Variants in KCNQ5 observed in about 807,000 individuals in gnomAD.
KCNQ5 encodes potassium voltage-gated channel subfamily Q member 5.
In KCNQ5, 30 loss-of-function variants were observed where a neutral mutation model predicts 98.2. The observed-to-expected ratio is 0.31, with a 90% confidence interval of 0.23 to 0.41. The LOEUF is 0.41. Ranked by LOEUF, KCNQ5 falls within the 10% of genes least tolerant of loss-of-function variation. The pLI is 1.00. For missense variants in KCNQ5, 835 were observed against 1,182.5 expected, an observed-to-expected ratio of 0.71 and a Z score of 4.31; for synonymous variants, 458 against 449.4, an observed-to-expected ratio of 1.02 and a Z score of -0.24.
chr6:72,878,829 C>A (rs1778524226), intron 1 of KCNQ5, among the ~76,000 whole-genome samples: 1 of 152,070 alleles, frequency 6.6e-6, no homozygotes, highest in Non-Finnish European at 1.5e-5. Context: ...TTTCACCATT[C>A]TGAATATGCC....
intron 1 of KCNQ5, among the ~76,000 whole-genome samples, chr6:72,763,270 G>A (rs2154477116): frequency 6.6e-6 from 1 of 152,004 alleles, no homozygotes; most frequent in East Asian, 1.9e-4. Context: ...AGGCTTAATA[G>A]CCCCACAGGC....
intron 11 of KCNQ5, among the ~76,000 whole-genome samples, chr6:73,178,820 T>TA (rs1156538023): frequency 6.6e-6 from 1 of 152,236 alleles, no homozygotes; most frequent in Non-Finnish European, 1.5e-5. Flanking sequence ...TTAAATACTG[T>TA]AAACACAAAT....
chr6:73,099,626 A>G (rs1037985479), intron 5 of KCNQ5, among the ~76,000 whole-genome samples: 2 of 152,194 alleles, frequency 1.3e-5, no homozygotes, highest in African/African-American at 4.8e-5. Flanking sequence ...CAGCAAGAGG[A>G]TATAACAACT....
At chr6:72,791,272 C>T (rs1055739485) in intron 1 of KCNQ5, among the ~76,000 whole-genome samples, 2 of 152,190 alleles carry the variant, frequency 1.3e-5, no homozygotes, top group East Asian at 3.9e-4. Context: ...CATGTACTCA[C>T]ACATGCATAT....
intron 10 of KCNQ5, among the ~76,000 whole-genome samples, chr6:73,163,672 C>CG (rs1367374732): frequency 3.3e-5 from 5 of 152,226 alleles, no homozygotes; most frequent in Admixed American, 1.3e-4. Context: ...CGCTTGAACC[C>CG]GGGGGGCGGA....
chr6:73,133,496 A>G lies in KCNQ5; in HGVS notation c.1323A>G (p.Ser441=). The change falls in exon 10 of 14, where the codon TCA becomes TCG. Residue 441 remains serine (S), a synonymous_variant. Coordinates refer to ENST00000370398, the MANE Select transcript of KCNQ5 (RefSeq NM_019842.4). ...AGAGTATTAAGAGCCGACAAGCCTC[A>G]GTAGGTGACAGGAGGTCCCCAAGCA... ...RGQSIKSRQA[S]VGDRRSPSTD... is the part of the protein sequence containing the mutation. 1 of 1,614,178 alleles carries G rather than the reference A, an allele frequency of 6.2e-7. No homozygotes were observed. Among genetic ancestry groups the G allele is most frequent in the Non-Finnish European group, 8.5e-7 (1 of 1,180,020 alleles).
At chr6:72,796,182 A>T (rs965688854) in intron 1 of KCNQ5, among the ~76,000 whole-genome samples, 8 of 152,196 alleles carry the variant, frequency 5.3e-5, no homozygotes, top group African/African-American at 1.9e-4. Context: ...ATTATTAAAT[A>T]TAATTTATGG....
intron 1 of KCNQ5, among the ~76,000 whole-genome samples, chr6:72,750,409 T>G (rs921695339): frequency 6.6e-6 from 1 of 152,112 alleles, no homozygotes; most frequent in African/African-American, 2.4e-5. Flanking sequence ...GCAGGACTAC[T>G]TAAAGTTTAC....
chr6:73,121,041 C>G (rs534396731), intron 8 of KCNQ5, among the ~76,000 whole-genome samples: 82 of 152,262 alleles, frequency 5.4e-4, no homozygotes, highest in Non-Finnish European at 7.8e-4. Context: ...CAAGCTTTTA[C>G]TTGCAGATCA....
In KCNQ5 at chr6:72,622,636, C is replaced by T. The variant is rs964772213; in HGVS notation, c.398+49C>T. The T allele has an allele frequency of 1.9e-6, 3 of 1,600,664 alleles. No homozygotes were observed. In the Admixed American group the frequency reaches 5.1e-5, roughly 27 times the overall value. On this transcript the variant is annotated intron_variant, in intron 1 of 13. Coordinates refer to ENST00000370398, the MANE Select transcript of KCNQ5 (RefSeq NM_019842.4). The surrounding 1 kb of genome is among the most constrained non-coding windows in gnomAD (Gnocchi z 6.0). ...TGCCCGCTGCAGGGGACCACTGTCC[C>T]TGGCCCCCTGGGGCGTGCTCCGCGC...
chr6:73,122,810 T>C (rs1017714179), intron 8 of KCNQ5, among the ~76,000 whole-genome samples: 1 of 152,216 alleles, frequency 6.6e-6, no homozygotes, highest in African/African-American at 2.4e-5. Context: ...TTTAATGTAT[T>C]CACAGAGTCC....
chr6:72,853,647 C>A (rs902477481), intron 1 of KCNQ5, among the ~76,000 whole-genome samples: 2 of 152,182 alleles, frequency 1.3e-5, no homozygotes, highest in Non-Finnish European at 2.9e-5. Flanking sequence ...TTCTGTGGGG[C>A]AGCCCTGGCT....
At chr6:72,800,393 A>T (rs1251469473) in intron 1 of KCNQ5, among the ~76,000 whole-genome samples, 2 of 151,838 alleles carry the variant, frequency 1.3e-5, no homozygotes, top group Admixed American at 6.6e-5. Context: ...TTTCTTCTAG[A>T]TTTTCTAGTT....
chr6:73,157,658 G>A, intron 10 of KCNQ5: 1 of 775,874 alleles, frequency 1.3e-6, no homozygotes, highest in Non-Finnish European at 2.4e-6. Flanking sequence ...GGTCAGCTCT[G>A]TGGTGTACAA....
chr6:72,662,785 G>A (rs1766595609), intron 1 of KCNQ5, among the ~76,000 whole-genome samples: 1 of 151,978 alleles, frequency 6.6e-6, no homozygotes, highest in Non-Finnish European at 1.5e-5. Context: ...TTATTAGTAA[G>A]AGAAAAACAA....
chr6:72,693,639 T>C (rs1227261047), intron 1 of KCNQ5, among the ~76,000 whole-genome samples: 1 of 152,176 alleles, frequency 6.6e-6, no homozygotes, highest in Non-Finnish European at 1.5e-5. Context: ...TTACTGGTTG[T>C]TTAAATTGTA....
At chr6:72,958,449 C>T (rs1767187683) in intron 1 of KCNQ5, among the ~76,000 whole-genome samples, 1 of 152,212 alleles carries the variant, frequency 6.6e-6, no homozygotes, top group African/African-American at 2.4e-5. Context: ...CTACACATCC[C>T]TCCATCATAT....
chr6:72,667,916 G>A (rs1405837082), intron 1 of KCNQ5, among the ~76,000 whole-genome samples: 3 of 152,166 alleles, frequency 2.0e-5, no homozygotes, highest in Non-Finnish European at 2.9e-5. Context: ...GGCAAGGAAA[G>A]ACCAAGAGAC....
chr6:73,057,040 G>A (rs1338207776), intron 3 of KCNQ5, among the ~76,000 whole-genome samples: 3 of 152,100 alleles, frequency 2.0e-5, no homozygotes, highest in Non-Finnish European at 4.4e-5. Flanking sequence ...TATGTTTATT[G>A]CAGCACTATT....
Sources: gnomAD v4.1 joint callset for allele counts (sites outside exome capture counted in the v4.1 genomes callset) on GRCh38, gnomAD v4.1.1 for gene constraint, Gnocchi (gnomAD v3.1) non-coding constraint, MANE v1.5 for transcripts, NCBI Gene and HGNC (gene_info 2026-07-23, HGNC 2026-07-21) for gene names.